Variants in CAMSAP2 observed in about 807,000 individuals in gnomAD.
The protein encoded by CAMSAP2 is calmodulin regulated spectrin associated protein family member 2.
Under a neutral mutation model 146.1 loss-of-function variants are expected in CAMSAP2, and 26 were observed. That is an observed-to-expected ratio of 0.18 (90% confidence interval 0.13 to 0.25). The LOEUF (loss-of-function observed/expected upper bound fraction) is 0.25. CAMSAP2 is among the 10% of genes least tolerant of loss of function. CAMSAP2 has a pLI of 1.00. For missense variants in CAMSAP2, 1,381 were observed against 1,759.3 expected, an observed-to-expected ratio of 0.78 and a Z score of 3.85; for synonymous variants, 499 against 596.6, an observed-to-expected ratio of 0.84 and a Z score of 2.38.
chr1:200,770,241 T>C (rs191924350), intron 2 of CAMSAP2, among the ~76,000 whole-genome samples: 45 of 152,268 alleles, frequency 3.0e-4, no homozygotes, highest in Admixed American at 2.7e-3. Flanking sequence ...TGGTGCCCTA[T>C]TGATGAGGAA....
rs796909793 is a variant in CAMSAP2 at position 200,816,819 on chromosome 1, TAC to T, written c.645+1184_645+1185del. Reference sequence around the variant, plus strand: ...ACACACACGCGTGTATATATGTGTGTACACACACACGCGTGTGTATGTGTGTA... The same window carrying T: ...ACACACACGCGTGTATATATGTGTGTACACACACGCGTGTGTATGTGTGTA... On this transcript the variant is annotated intron_variant, in intron 4 of 16. Transcript: ENST00000358823. 6.5e-3 allele frequency among the ~76,000 whole-genome samples: 359 copies of T among 55,400 alleles called. 18 individuals carry two copies. The highest frequency in any genetic ancestry group is 0.014 in the Admixed American group (65 of 4,722). The allele number at this position is 55,400 out of a possible 152,430, so 36.3% of individuals were successfully genotyped here.
chr1:200,797,166 A>G (rs1665907847), intron 2 of CAMSAP2, among the ~76,000 whole-genome samples: 1 of 151,884 alleles, frequency 6.6e-6, no homozygotes, highest in Non-Finnish European at 1.5e-5. Context: ...AATGATTTAT[A>G]GTCCTTTGGG....
intron 2 of CAMSAP2, among the ~76,000 whole-genome samples, chr1:200,785,388 CTTTTGTTTTTTTTTT>C (rs1665556668): frequency 1.4e-5 from 2 of 142,652 alleles, no homozygotes; most frequent in Non-Finnish European, 3.1e-5. Flanking sequence ...CTTTTTTTTT[CTTTTGTTTTTTTTTT>C]TTTTGAGGTG....
At chr1:200,799,860 C>T (rs1665990231) in intron 2 of CAMSAP2, among the ~76,000 whole-genome samples, 2 of 152,134 alleles carry the variant, frequency 1.3e-5, no homozygotes, top group South Asian at 4.1e-4. Context: ...TCCAGAGATT[C>T]TAGTACATGT....
At chr1:200,809,465 C>T (rs186045646) in intron 3 of CAMSAP2, among the ~76,000 whole-genome samples, 2 of 152,322 alleles carry the variant, frequency 1.3e-5, no homozygotes, top group East Asian at 1.9e-4. Context: ...GAGCCGGGCT[C>T]AGTGGCTCAC....
chr1:200,826,303 A>T (rs553365410), intron 4 of CAMSAP2, among the ~76,000 whole-genome samples: 1 of 151,900 alleles, frequency 6.6e-6, no homozygotes, highest in African/African-American at 2.4e-5. Context: ...ATGGTGGTGC[A>T]TGCCTGTTGT....
intron 1 of CAMSAP2, among the ~76,000 whole-genome samples, chr1:200,746,735 C>T (rs1664338704): frequency 6.6e-6 from 1 of 151,850 alleles, no homozygotes; most frequent in African/African-American, 2.4e-5. Context: ...TCTCCTGCCT[C>T]AGCCTCCCGA....
intron 2 of CAMSAP2, among the ~76,000 whole-genome samples, chr1:200,794,617 A>G (rs1336218574): frequency 6.6e-6 from 1 of 152,210 alleles, no homozygotes; most frequent in Non-Finnish European, 1.5e-5. Flanking sequence ...CATCTGCCCC[A>G]GGGCCCCTTC....
intron 2 of CAMSAP2, 25 bp from the exon 3 acceptor site, chr1:200,807,351 A>G (rs993178430): frequency 2.1e-6 from 3 of 1,446,936 alleles, no homozygotes; most frequent in African/African-American, 2.9e-5. Flanking sequence ...TTTTTAAACT[A>G]TTTGTTCTTG....
At chr1:200,817,079 T>TAC (rs145261313) in intron 4 of CAMSAP2, among the ~76,000 whole-genome samples, 17,225 of 142,810 alleles carry the variant, frequency 0.12, 1,169 homozygotes, top group Middle Eastern at 0.19. Context: ...TATATGTGTA[T>TAC]ACACACACAC....
At chr1:200,777,985 C>G (rs1343030433) in intron 2 of CAMSAP2, among the ~76,000 whole-genome samples, 1 of 152,190 alleles carries the variant, frequency 6.6e-6, no homozygotes, top group Non-Finnish European at 1.5e-5. Flanking sequence ...CACTTATAAT[C>G]CCAGCACTTT....
At chr1:200,818,298 T>C (rs1278431417) in intron 4 of CAMSAP2, among the ~76,000 whole-genome samples, 1 of 152,118 alleles carries the variant, frequency 6.6e-6, no homozygotes, top group Admixed American at 6.5e-5. Context: ...AATAAAGTGA[T>C]CTTGAAGAAA....
At chr1:200,747,358 T>G (rs1664364240) in intron 1 of CAMSAP2, among the ~76,000 whole-genome samples, 1 of 152,136 alleles carries the variant, frequency 6.6e-6, no homozygotes, top group South Asian at 2.1e-4. Context: ...GAATATGAGG[T>G]GTAGCTGAGA....
At chr1:200,811,957 TC>T in intron 3 of CAMSAP2, among the ~76,000 whole-genome samples, 1 of 152,118 alleles carries the variant, frequency 6.6e-6, no homozygotes, top group Admixed American at 6.6e-5. Context: ...GCAGCTCAGC[TC>T]CCAGCTTTCT....
In CAMSAP2 at chr1:200,853,522, G is replaced by A. The variant is rs1667678348; in HGVS notation, c.3823+27G>A. On this transcript the variant is annotated intron_variant, in intron 13 of 16. Transcript: ENST00000358823. The surrounding 1 kb of genome is among the most constrained non-coding windows in gnomAD (Gnocchi z 5.1). ...TAACATAGCTTATTATGAAGAGTCT[G>A]TTCATAAAAAACACCAGCTTGATTG... The A allele has an allele frequency of 1.3e-6, 2 of 1,534,612 alleles. No homozygotes were observed. Among genetic ancestry groups the A allele is most frequent in the Non-Finnish European group, 1.8e-6 (2 of 1,115,868 alleles).
chr1:200,850,096 T>C lies in CAMSAP2; in HGVS notation c.3327T>C (p.Asn1109=). The change falls in exon 11 of 17, where the codon AAT becomes AAC. Residue 1109 remains asparagine, a synonymous_variant. Coordinates refer to ENST00000358823, the MANE Select transcript of CAMSAP2 (RefSeq NM_203459.4). The part of the protein sequence containing the change: ...KPVFPPTAPK[N]VNLIEVSLSD... ...TTTTCCCACCCACTGCTCCAAAAAA[T>C]GTTAATCTGATTGAAGTTTCCCTCT... 6.2e-7 allele frequency: 1 copy of C among 1,614,090 alleles called. No homozygotes were observed. Among genetic ancestry groups the C allele is most frequent in the Non-Finnish European group, 8.5e-7 (1 of 1,179,990 alleles).
chr1:200,836,766 T>C (rs1050858254), intron 6 of CAMSAP2, among the ~76,000 whole-genome samples: 5 of 152,208 alleles, frequency 3.3e-5, no homozygotes, highest in African/African-American at 9.6e-5. Context: ...ATTTTTTGAC[T>C]TTTTAGTAAG....
At chr1:200,759,340 C>T (rs545857046) in intron 1 of CAMSAP2, among the ~76,000 whole-genome samples, 10 of 145,902 alleles carry the variant, frequency 6.9e-5, no homozygotes, top group South Asian at 4.3e-4. Context: ...AGTGCAATGG[C>T]GCGATCTCAC....
chr1:200,769,128 C>T (rs935237986), intron 2 of CAMSAP2, among the ~76,000 whole-genome samples: 1 of 152,166 alleles, frequency 6.6e-6, no homozygotes, highest in African/African-American at 2.4e-5. Context: ...CCTTGGTTTT[C>T]ACTCTGTTCC....
Sources: allele counts gnomAD v4.1 joint callset (sites outside exome capture counted in the v4.1 genomes callset), GRCh38; gene constraint gnomAD v4.1.1; non-coding constraint Gnocchi (gnomAD v3.1); transcripts MANE v1.5; gene names NCBI Gene and HGNC (gene_info 2026-07-23, HGNC 2026-07-21).